The following FGFR1 variants were observed in gnomAD, a reference collection of about 807,000 sequenced individuals.
FGFR1 encodes the protein FGFR1/PLAG1 fusion.
FGFR1 carries 18 observed loss-of-function variants against 93.7 expected under a neutral mutation model. The observed-to-expected ratio is 0.19, with a 90% CI of 0.13 to 0.28. FGFR1 has a LOEUF of 0.28. FGFR1 is among the 10% of genes least tolerant of loss of function. The pLI is 1.00. For synonymous variants in FGFR1, 448 were observed against 429.3 expected (o/e 1.04, Z -0.54); for missense variants, 731 against 1,080.4 (o/e 0.68, Z 4.53).
At chr8:38,438,702 T>A (rs1826279543) in intron 2 of FGFR1, among the ~76,000 whole-genome samples, 1 of 152,106 alleles carries the variant, frequency 6.6e-6, no homozygotes, top group Non-Finnish European at 1.5e-5. Context: ...ACATCATACA[T>A]CCAGAGTCCA....
intron 2 of FGFR1, among the ~76,000 whole-genome samples, chr8:38,440,139 A>T (rs1358523245): frequency 6.6e-6 from 1 of 152,004 alleles, no homozygotes; most frequent in Non-Finnish European, 1.5e-5. Flanking sequence ...TCTTGGTATA[A>T]ACTCCCCAGA....
chr8:38,440,877 C>T (rs896736270), intron 2 of FGFR1, among the ~76,000 whole-genome samples: 1 of 152,218 alleles, frequency 6.6e-6, no homozygotes, highest in Non-Finnish European at 1.5e-5. Context: ...CAGGCCCAGG[C>T]AGCCCGGCTA....
At chr8:38,447,739 C>T (rs753820264) in intron 2 of FGFR1, among the ~76,000 whole-genome samples, 1 of 152,110 alleles carries the variant, frequency 6.6e-6, no homozygotes, top group Non-Finnish European at 1.5e-5. Context: ...CCTCGGCCTC[C>T]CAAAGTGCTG....
At position 38,413,825 on chromosome 8, in the gene FGFR1, C is replaced by T. The variant is rs2150513413; in HGVS notation, c.2293-21G>A. On this transcript the variant is annotated intron_variant, in intron 17 of 17. Transcript: ENST00000447712. This position sits in a 1 kb window ranked among gnomAD's most constrained non-coding sequence, Gnocchi z 4.2. ...TACTCCTGTGATGGGCGAGAGGAAG[C>T]AGCGATGGGCCGGGCCCCTCCTCCC... 2.5e-6 allele frequency: 4 copies of T among 1,613,924 alleles called. No homozygotes were observed. Among genetic ancestry groups the T allele is most frequent in the South Asian group, 2.2e-5 (2 of 91,080 alleles).
At chr8:38,430,714 CCT>C (rs1389512473) in intron 2 of FGFR1, 3 of 152,428 alleles carry the variant, frequency 2.0e-5, no homozygotes, top group Admixed American at 2.0e-4. Context: ...TCTCCTCAGC[CCT>C]CTGACTGGGC....
At chr8:38,430,625 A>G (rs1486864592) in intron 2 of FGFR1, 1 of 152,346 alleles carries the variant, frequency 6.6e-6, no homozygotes, top group Admixed American at 6.5e-5. Context: ...GCTGTTGACT[A>G]TATTAGGACG....
At chr8:38,453,791 C>T (rs186271985) in intron 2 of FGFR1, among the ~76,000 whole-genome samples, 6 of 152,100 alleles carry the variant, frequency 3.9e-5, no homozygotes, top group Admixed American at 1.3e-4. Context: ...ACTTAGGAGG[C>T]TGAGGCAGGA....
intron 2 of FGFR1, among the ~76,000 whole-genome samples, chr8:38,435,893 C>CA (rs1563542017): frequency 6.6e-6 from 1 of 152,230 alleles, no homozygotes; most frequent in African/African-American, 2.4e-5. Context: ...AGGTTGTCCT[C>CA]AAAATGCACA....
Position 38,413,515 on chromosome 8 carries a change from C to A in FGFR1, c.*113G>T. Reference sequence around the variant, plus strand: ...CACAGGAAGGCCCCTGGTAGGCAGCCGGCTCCTGCCAGCAGGAAAGGGGAC... The same window carrying A: ...CACAGGAAGGCCCCTGGTAGGCAGCAGGCTCCTGCCAGCAGGAAAGGGGAC... On this transcript the variant is annotated 3_prime_UTR_variant, in exon 18 of 18. Transcript: ENST00000447712. This position sits in a 1 kb window ranked among gnomAD's most constrained non-coding sequence, Gnocchi z 4.2. The A allele has an allele frequency of 7.9e-7, 1 of 1,258,534 alleles. No homozygotes were observed. The allele number at this position is 1,258,534 out of a possible 1,614,324, so 78.0% of individuals were successfully genotyped here.
intron 9 of FGFR1, 30 bp downstream of exon 9, chr8:38,419,503 G>A (rs905888417): frequency 3.1e-6 from 5 of 1,591,464 alleles, no homozygotes; most frequent in Non-Finnish European, 4.3e-6. Context: ...GAGAGGTGGT[G>A]CTGAGTGTGC....
intron 2 of FGFR1, among the ~76,000 whole-genome samples, chr8:38,455,715 T>C (rs1275608446): frequency 6.6e-6 from 1 of 152,212 alleles, no homozygotes; most frequent in South Asian, 2.1e-4. Context: ...ACCATATACA[T>C]GCTGTCTCTG....
At position 38,426,008 on chromosome 8, in the gene FGFR1, A is replaced by G. The variant is rs1820635309; in HGVS notation, c.745+114T>C. On this transcript the variant is annotated intron_variant, in intron 6 of 17. Transcript: ENST00000447712. This position sits in a 1 kb window ranked among gnomAD's most constrained non-coding sequence, Gnocchi z 4.1. ...CCTGCTCAAGGTGACAAAGCCAAGAAGTGCCAATCGCTATCCTGACTCTGC... is the reference window on the plus strand; with the variant it reads ...CCTGCTCAAGGTGACAAAGCCAAGAGGTGCCAATCGCTATCCTGACTCTGC... The G allele has an allele frequency of 7.0e-7, 1 of 1,426,318 alleles. No homozygotes were observed. The highest frequency in any genetic ancestry group is 9.8e-7 in the Non-Finnish European group (1 of 1,016,842). The allele number at this position is 1,426,318 out of a possible 1,614,324, so 88.4% of individuals were successfully genotyped here. A position where few individuals can be genotyped will look rare whatever the true frequency, so the allele number is the denominator to read the frequency against.
At chr8:38,449,116 AC>A (rs1195516801) in intron 2 of FGFR1, among the ~76,000 whole-genome samples, 1 of 151,988 alleles carries the variant, frequency 6.6e-6, no homozygotes, top group African/African-American at 2.4e-5. Flanking sequence ...GAAAAAAAAA[AC>A]ACAGAAAAAA....
intron 2 of FGFR1, chr8:38,440,201 A>C: frequency 9.7e-7 from 1 of 1,031,482 alleles, no homozygotes; most frequent in South Asian, 1.4e-5. Context: ...GTGGCTTTGA[A>C]AGCAACTTAA....
rs2150929161 is a variant in FGFR1, at chr8:38,428,367, T to C, written c.427A>G (p.Asn143Asp). Residue 143 changes from asparagine (N) to aspartate (D), a missense_variant, in exon 4 of 18, where the codon AAC (asparagine) becomes GAC (aspartate). Around this residue, in one of 10 missense-constraint regions of FGFR1, gnomAD observed 212 missense variants for 205.8 expected, o/e 1.03. Coordinates refer to ENST00000447712, the MANE Select transcript of FGFR1 (RefSeq NM_023110.3). Reference sequence around the variant, plus strand: ...TCACGCATACGGTTTGGTTTGGTGTTATCTGTTTCTTTCTCCTCTGAAGAG... The same window carrying C: ...TCACGCATACGGTTTGGTTTGGTGTCATCTGTTTCTTTCTCCTCTGAAGAG... ...DSSSEEKETD[N>D]TKPNRMPVAP... 5.0e-6 allele frequency: 8 copies of C among 1,614,200 alleles called. No homozygotes were observed. Among genetic ancestry groups the C allele is most frequent in the Non-Finnish European group, 6.8e-6 (8 of 1,180,030 alleles).
At chr8:38,420,233 G>A (rs764818408) in intron 8 of FGFR1, 47 of 177,396 alleles carry the variant, frequency 2.6e-4, no homozygotes, top group Non-Finnish European at 3.8e-4. Flanking sequence ...TTGGTGCCTC[G>A]TTTATTTCTG....
intron 2 of FGFR1, among the ~76,000 whole-genome samples, chr8:38,446,899 A>G (rs1829464154): frequency 6.6e-6 from 1 of 152,152 alleles, no homozygotes; most frequent in Non-Finnish European, 1.5e-5. Context: ...CCTATAAAGA[A>G]AACTCAGGTG....
chr8:38,465,841 G>A (rs899231017), intron 1 of FGFR1: 6 of 221,130 alleles, frequency 2.7e-5, no homozygotes, highest in Admixed American at 1.7e-4. Flanking sequence ...TCCAAAAAAA[G>A]CGCTGGTCCG....
In FGFR1 at chr8:38,416,068, C is replaced by A; in HGVS notation, c.1664-8G>T. 1 of 1,608,222 alleles carries A rather than the reference C, an allele frequency of 6.2e-7. No homozygotes were observed. Among genetic ancestry groups the A allele is most frequent in the Non-Finnish European group, 8.5e-7 (1 of 1,178,748 alleles). ...CGATGACATACAAGGGACCTGCAGG[C>A]ACAGGAGAAGAGGCCATGGGGCCAG... is the stretch of plus-strand genomic sequence containing the variant. On this transcript the variant is annotated splice_region_variant and splice_polypyrimidine_tract_variant and intron_variant, in intron 12 of 17. Transcript: ENST00000447712.
Sources: allele counts gnomAD v4.1 joint callset (sites outside exome capture counted in the v4.1 genomes callset), GRCh38; gene constraint gnomAD v4.1.1; regional missense constraint gnomAD v4.1.1; non-coding constraint Gnocchi (gnomAD v3.1); transcripts MANE v1.5; gene names NCBI Gene and HGNC (gene_info 2026-07-23, HGNC 2026-07-21).